Variants in RHOBTB2 observed in about 807,000 individuals in gnomAD.
The protein encoded by RHOBTB2 is rho-related BTB domain-containing protein 2.
In RHOBTB2, 39 loss-of-function variants were observed where a neutral mutation model predicts 66.5. The ratio of observed to expected loss-of-function variants is 0.59; its 90% CI spans 0.45 to 0.77. The LOEUF is 0.77. RHOBTB2 is among the 30% of genes least tolerant of loss of function. The pLI is 0.00. For synonymous variants in RHOBTB2, 390 were observed against 395.0 expected (o/e 0.99, Z 0.15); for missense variants, 755 against 999.1 (o/e 0.76, Z 3.29).
intron 3 of RHOBTB2, 33 bp downstream of exon 3, chr8:23,005,508 C>T: frequency 2.2e-6 from 3 of 1,381,650 alleles, no homozygotes; most frequent in Non-Finnish European, 3.1e-6. Flanking sequence ...TGCAGAGAAC[C>T]AACAGGGTGG....
chr8:23,004,968 G>A lies in RHOBTB2; in HGVS notation c.192+342G>A. 1 of 420,870 alleles carries A rather than the reference G, an allele frequency of 2.4e-6. No individual in the cohort carries two copies. The highest frequency in any genetic ancestry group is 4.4e-6 in the Non-Finnish European group (1 of 227,780). The allele number at this position is 420,870 out of a possible 1,614,324, so 26.1% of individuals were successfully genotyped here. ...GATACAAGCTGAGAGGAGCAAAGAA[G>A]CTGGCAGCTGATAGCAAAAGACCAG... On this transcript the variant is annotated intron_variant, in intron 2 of 9. Coordinates refer to ENST00000251822, the MANE Select transcript of RHOBTB2 (RefSeq NM_015178.3). The surrounding 1 kb of genome is among the most constrained non-coding windows in gnomAD (Gnocchi z 6.4).
chr8:23,005,006 A>G (rs944724385), intron 2 of RHOBTB2, among the ~76,000 whole-genome samples: 1 of 152,106 alleles, frequency 6.6e-6, no homozygotes, highest in Admixed American at 6.5e-5. Context: ...GCTCACAAAC[A>G]TGCAGTTTGC....
At chr8:22,964,046 G>A in the RHOBTB2 span, among the ~76,000 whole-genome samples, 50 of 152,226 alleles carry the variant, frequency 3.3e-4, no homozygotes, top group East Asian at 6.6e-3. Context: ...CTCCCAAAGT[G>A]CTGGGATTAC....
upstream of RHOBTB2, chr8:22,995,947 G>A (rs1291789029): frequency 1.2e-5 from 18 of 1,470,140 alleles, no homozygotes; most frequent in Non-Finnish European, 1.7e-5. Context: ...GTGCAGGTTG[G>A]AGGATGGACT....
At chr8:22,994,110 C>G (rs150704295) in intron 2 of RHOBTB2, among the ~76,000 whole-genome samples, 1 of 152,282 alleles carries the variant, frequency 6.6e-6, no homozygotes, top group South Asian at 2.1e-4. Context: ...ATGCTGGGCA[C>G]GCACAGAGGA....
At chr8:22,973,516 G>A in the RHOBTB2 span, among the ~76,000 whole-genome samples, 2 of 152,108 alleles carry the variant, frequency 1.3e-5, no homozygotes, top group African/African-American at 4.8e-5. Context: ...TTACAGGCGT[G>A]AGCCACCACA....
rs966390051 is a variant in RHOBTB2 at position 23,017,406 on chromosome 8, A to G, written c.2121A>G (p.Pro707=). 1 of 1,613,702 alleles carries G rather than the reference A, an allele frequency of 6.2e-7. No individual in the cohort carries two copies. Among genetic ancestry groups the G allele is most frequent in the Non-Finnish European group, 8.5e-7 (1 of 1,179,812 alleles). Residue 707 remains proline (P), a synonymous_variant, in exon 10 of 10, where the codon CCA becomes CCG. Coordinates refer to ENST00000251822, the MANE Select transcript of RHOBTB2 (RefSeq NM_015178.3). This position sits in a 1 kb window ranked among gnomAD's most constrained non-coding sequence, Gnocchi z 5.3. ...PKRRWLFWNS[P]SSPSSSAASS... ...GGCGTTGGCTCTTCTGGAACAGTCC[A>G]TCCTCCCCGTCTTCCTCGGCAGCCT...
At chr8:22,983,468 A>G (rs1304075615), upstream of RHOBTB2, among the ~76,000 whole-genome samples, 1 of 151,604 alleles carries the variant, frequency 6.6e-6, no homozygotes, top group East Asian at 1.9e-4. Flanking sequence ...CTGGGCAACA[A>G]AGTGAGACCC....
chr8:22,951,244 C>CTTTTTTT, the RHOBTB2 span, among the ~76,000 whole-genome samples: 38 of 87,966 alleles, frequency 4.3e-4, no homozygotes, highest in East Asian at 9.8e-4. Context: ...CTACTTAGCT[C>CTTTTTTT]TTTTTTTTTT....
the RHOBTB2 span, among the ~76,000 whole-genome samples, chr8:22,952,924 C>T: frequency 6.6e-6 from 1 of 152,084 alleles, no homozygotes; most frequent in Admixed American, 6.5e-5. Context: ...AAGTTTCAAG[C>T]GGGAACAAAA....
intron 1 of RHOBTB2, among the ~76,000 whole-genome samples, chr8:23,003,889 C>G (rs1401969982): frequency 6.6e-6 from 1 of 152,208 alleles, no homozygotes; most frequent in African/African-American, 2.4e-5. Flanking sequence ...TCCACCACCA[C>G]CAGAGAGGGC....
At chr8:23,009,170 A>AAGAAAAAAAGAGAGAG (rs1554504924) in intron 6 of RHOBTB2, among the ~76,000 whole-genome samples, 1 of 138,198 alleles carries the variant, frequency 7.2e-6, no homozygotes, top group Non-Finnish European at 1.5e-5. Context: ...AAAAGAAAAA[A>AAGAAAAAAAGAGAGAG]AGAGAGAGAG....
chr8:23,001,348 G>C (rs1336036732), intron 1 of RHOBTB2, among the ~76,000 whole-genome samples: 2 of 151,926 alleles, frequency 1.3e-5, no homozygotes, highest in Non-Finnish European at 2.9e-5. Flanking sequence ...TCACTGAATG[G>C]GCTGTATCAC....
chr8:22,960,196 AAAAACAAG>A, the RHOBTB2 span, among the ~76,000 whole-genome samples: 13 of 148,804 alleles, frequency 8.7e-5, no homozygotes, highest in African/African-American at 2.3e-4. Flanking sequence ...AAAAAAACAA[AAAAACAAG>A]AACAAACAAA....
chr8:22,983,993 C>G (rs1391051761), upstream of RHOBTB2, among the ~76,000 whole-genome samples: 1 of 152,202 alleles, frequency 6.6e-6, no homozygotes, highest in Admixed American at 6.5e-5. Context: ...CTCAACCTCC[C>G]AAAGTGCTGG....
chr8:23,003,025 G>A lies in RHOBTB2; in HGVS notation c.-10-1400G>A, dbSNP rs577666551. ...GTTGCTGGTGGCCTGGCTCTGGGCT[G>A]GATGGCTCAGCAGCCAGGGTGCCTG... On this transcript the variant is annotated intron_variant, in intron 1 of 9. Transcript: ENST00000251822. 1.0e-3 allele frequency among the ~76,000 whole-genome samples: 158 copies of A among 152,358 alleles called. 3 individuals are homozygous for A. The highest frequency in any genetic ancestry group is 9.7e-3 in the Admixed American group (149 of 15,312).
intron 2 of RHOBTB2, 97 bp from the exon 3 acceptor site, chr8:23,005,275 G>C: frequency 1.2e-6 from 1 of 861,784 alleles, no homozygotes; most frequent in Non-Finnish European, 1.9e-6. Context: ...AGTGATGTCT[G>C]GGGCCCCCAG....
chr8:22,999,732 G>C lies in RHOBTB2; in HGVS notation c.-384G>C, dbSNP rs562976032. The C allele has an allele frequency of 1.3e-3, 1,398 of 1,090,304 alleles. 17 individuals are homozygous for C. The African/African-American group carries it at 0.021, about 16-fold the overall frequency. The allele number at this position is 1,090,304 out of a possible 1,614,324, so 67.5% of individuals were successfully genotyped here. A position where few individuals can be genotyped will look rare whatever the true frequency, so the allele number is the denominator to read the frequency against. ...GGCAGCGCCTTCGCCGCGGGCCCGGGCGCGTAGCGGCGGCGGCCTCGCCCC... is the reference window on the plus strand; with the variant it reads ...GGCAGCGCCTTCGCCGCGGGCCCGGCCGCGTAGCGGCGGCGGCCTCGCCCC... On this transcript the variant is annotated 5_prime_UTR_variant, in exon 1 of 10. Transcript: ENST00000251822.
the RHOBTB2 span, among the ~76,000 whole-genome samples, chr8:22,967,557 C>T: frequency 7.8e-6 from 1 of 128,160 alleles, no homozygotes; most frequent in African/African-American, 3.0e-5. Flanking sequence ...GAGCCGAGAT[C>T]GTGCCACTGC....
Sources: gnomAD v4.1 joint callset for allele counts (sites outside exome capture counted in the v4.1 genomes callset) on GRCh38, gnomAD v4.1.1 for gene constraint, Gnocchi (gnomAD v3.1) non-coding constraint, MANE v1.5 for transcripts, NCBI Gene and HGNC (gene_info 2026-07-23, HGNC 2026-07-21) for gene names.